Variants in EDNRB observed in about 807,000 individuals in gnomAD.
The protein encoded by EDNRB is endothelin receptor type B.
Under a neutral mutation model 46.4 loss-of-function variants are expected in EDNRB, and 18 were observed. That is an observed-to-expected ratio of 0.39 (90% CI 0.27 to 0.57). The LOEUF (loss-of-function observed/expected upper bound fraction) is 0.57, where lower values mean the gene tolerates loss of function less well. Among genes scored for constraint, EDNRB ranks in the 20% least tolerant of loss-of-function variants. The pLI is 0.61. For synonymous variants in EDNRB, 213 were observed against 204.9 expected (o/e 1.04, Z -0.34); for missense variants, 434 against 537.5 (o/e 0.81, Z 1.90).
chr13:77,959,921 T>C (rs1881355305), intron 1 of EDNRB, among the ~76,000 whole-genome samples: 1 of 152,194 alleles, frequency 6.6e-6, no homozygotes, highest in Non-Finnish European at 1.5e-5. Flanking sequence ...TTCCATCAAC[T>C]GGAAGAAAGG....
In EDNRB at chr13:77,900,613, G is replaced by A; in HGVS notation, c.993C>T (p.Val331=). Residue 331 remains valine, a synonymous_variant, in exon 5 of 7, where the codon GTC becomes GTT. Transcript: ENST00000646607. ...GAAGGGGAAGCCAGCAGAGGGCAAA[G>A]ACAAGGACCAGGCAAAAGACGGTTT... ...VAKTVFCLVL[V]FALCWLPLHL... 1 of 1,612,548 alleles carries A rather than the reference G, an allele frequency of 6.2e-7. No homozygotes were observed. The highest frequency in any genetic ancestry group is 8.5e-7 in the Non-Finnish European group (1 of 1,179,080).
In EDNRB at chr13:77,900,602, C is replaced by G; in HGVS notation, c.1004G>C (p.Cys335Ser). The part of the protein sequence containing the change: ...VFCLVLVFAL[C>S]WLPLHLSRIL... ...CCTGCTGAGGTGAAGGGGAAGCCAG[C>G]AGAGGGCAAAGACAAGGACCAGGCA... The change falls in exon 5 of 7, where the codon TGC (cysteine) becomes TCC (serine). Residue 335 changes from cysteine (C) to serine (S), a missense_variant. Cys to Ser is a moderately radical substitution (Grantham distance 112, BLOSUM62 -1). Coordinates refer to ENST00000646607, the MANE Select transcript of EDNRB (RefSeq NM_001122659.3). 6.2e-7 allele frequency: 1 copy of G among 1,612,612 alleles called. No individual in the cohort carries two copies. Among genetic ancestry groups the G allele is most frequent in the Non-Finnish European group, 8.5e-7 (1 of 1,179,134 alleles).
At chr13:77,975,161 C>T (rs12720107) in intron 1 of EDNRB, among the ~76,000 whole-genome samples, 3,147 of 152,296 alleles carry the variant, frequency 0.021, 62 homozygotes, top group East Asian at 0.024. Flanking sequence ...TACAGGCACA[C>T]CATCGGTGAT....
chr13:77,944,217 A>ATG (rs1566330681), intron 1 of EDNRB, among the ~76,000 whole-genome samples: 2 of 152,124 alleles, frequency 1.3e-5, no homozygotes, highest in Non-Finnish European at 2.9e-5. Flanking sequence ...GGCTCAGTGT[A>ATG]AGCAATAATG....
intron 1 of EDNRB, among the ~76,000 whole-genome samples, chr13:77,960,917 T>G (rs1881391701): frequency 6.7e-6 from 1 of 149,440 alleles, no homozygotes; most frequent in South Asian, 2.1e-4. Flanking sequence ...AAACAGACTT[T>G]AAACCAACAA....
At chr13:77,909,007 A>G (rs937097154) in intron 1 of EDNRB, among the ~76,000 whole-genome samples, 1 of 151,998 alleles carries the variant, frequency 6.6e-6, no homozygotes, top group Non-Finnish European at 1.5e-5. Context: ...TGCTGGCAAT[A>G]TGGTATCCAT....
intron 1 of EDNRB, among the ~76,000 whole-genome samples, chr13:77,961,417 A>C (rs755614383): frequency 6.6e-6 from 1 of 152,122 alleles, no homozygotes; most frequent in Non-Finnish European, 1.5e-5. Context: ...GAACAGAAAT[A>C]AGAACCAACA....
intron 1 of EDNRB, among the ~76,000 whole-genome samples, chr13:77,908,043 A>AAAGAGAG (rs4052535): frequency 0.02 from 1,442 of 72,550 alleles, 109 homozygotes; most frequent in African/African-American, 0.077. Context: ...AAAAAAAAAA[A>AAAGAGAG]AGAGAGAGAG....
chr13:77,975,149 G>A (rs1277898046), intron 1 of EDNRB, among the ~76,000 whole-genome samples: 1 of 152,064 alleles, frequency 6.6e-6, no homozygotes, highest in Non-Finnish European at 1.5e-5. Flanking sequence ...CCAAAGTGCC[G>A]GTACAGGCAC....
At chr13:77,911,314 C>T (rs1289635549) in intron 1 of EDNRB, among the ~76,000 whole-genome samples, 2 of 152,030 alleles carry the variant, frequency 1.3e-5, no homozygotes, top group African/African-American at 4.8e-5. Context: ...CATGCCATAC[C>T]TAAGCCTAAT....
At chr13:77,975,001 G>A (rs556006661) in intron 1 of EDNRB, among the ~76,000 whole-genome samples, 33 of 152,026 alleles carry the variant, frequency 2.2e-4, no homozygotes, top group African/African-American at 6.8e-4. Context: ...ACAAAGAACC[G>A]GTAAAAAGGG....
intron 1 of EDNRB, among the ~76,000 whole-genome samples, chr13:77,914,538 C>A (rs550605839): frequency 6.6e-6 from 1 of 152,156 alleles, no homozygotes; most frequent in Admixed American, 6.5e-5. Flanking sequence ...CTATGAGAAG[C>A]GTAAGCAACG....
At chr13:77,970,281 C>T (rs572237163) in intron 1 of EDNRB, among the ~76,000 whole-genome samples, 1 of 152,190 alleles carries the variant, frequency 6.6e-6, no homozygotes, top group African/African-American at 2.4e-5. Context: ...ATTCCAGACC[C>T]CTGGTGGTAT....
intron 1 of EDNRB, among the ~76,000 whole-genome samples, chr13:77,957,157 T>C (rs148609415): frequency 0.014 from 2,178 of 152,308 alleles, 46 homozygotes; most frequent in East Asian, 0.024. Flanking sequence ...TTTGTGTGTA[T>C]TTGTTTAAAC....
At chr13:77,919,502 C>T (rs1314139800), upstream of EDNRB, 1 of 1,612,848 alleles carries the variant, frequency 6.2e-7, no homozygotes, top group South Asian at 1.1e-5. Context: ...AGCACGCCTC[C>T]CTTGAGCTGC....
At position 77,896,245 on chromosome 13, in the gene EDNRB, G is replaced by A. The variant is rs201629890; in HGVS notation, c.*1955C>T. ...TCAGGATGTAAAAATTCAGTACATG[G>A]TAATAAAAATAATCTAAAATTTAAA... On this transcript the variant is annotated 3_prime_UTR_variant, in exon 7 of 7. Coordinates refer to ENST00000646607, the MANE Select transcript of EDNRB (RefSeq NM_001122659.3). The A allele has an allele frequency of 8.5e-6, 3 of 350,896 alleles. No individual in the cohort carries two copies. Among genetic ancestry groups the A allele is most frequent in the South Asian group, 1.1e-4 (1 of 9,396 alleles). The allele number at this position is 350,896 out of a possible 1,614,324, so 21.7% of individuals were successfully genotyped here. A position where few individuals can be genotyped will look rare whatever the true frequency, so the allele number is the denominator to read the frequency against.
intron 1 of EDNRB, among the ~76,000 whole-genome samples, chr13:77,911,434 G>A (rs987497242): frequency 6.6e-6 from 1 of 152,034 alleles, no homozygotes; most frequent in African/African-American, 2.4e-5. Flanking sequence ...TGAGTGAGTG[G>A]GAAGAAGACA....
At chr13:77,974,018 G>A (rs925293009) in intron 1 of EDNRB, among the ~76,000 whole-genome samples, 6 of 150,868 alleles carry the variant, frequency 4.0e-5, no homozygotes, top group East Asian at 1.9e-4. Context: ...GTCTAAGGCC[G>A]CAAGAATAGA....
intron 1 of EDNRB, among the ~76,000 whole-genome samples, chr13:77,945,472 T>G (rs117519942): frequency 0.012 from 1,753 of 152,254 alleles, 28 homozygotes; most frequent in South Asian, 0.062. Flanking sequence ...ACAACTTTTC[T>G]TGGACCTATC....
Sources: gnomAD v4.1 joint callset for allele counts (sites outside exome capture counted in the v4.1 genomes callset) on GRCh38, gnomAD v4.1.1 for gene constraint, MANE v1.5 for transcripts, NCBI Gene and HGNC (gene_info 2026-07-23, HGNC 2026-07-21) for gene names.